KDM4B: variants seen among roughly 807,000 people sequenced by gnomAD.
The protein encoded by KDM4B is lysine-specific demethylase 4B.
In KDM4B, 32 loss-of-function variants were observed where a neutral mutation model predicts 125.2. That is an observed-to-expected ratio of 0.26 (90% CI 0.19 to 0.34). The LOEUF is 0.34. Ranked by LOEUF, KDM4B falls within the 10% of genes least tolerant of loss-of-function variation. The probability of loss-of-function intolerance (pLI) is 1.00; values close to 1 mark genes in which losing one functional copy is unlikely to be tolerated. For missense variants in KDM4B, 1,190 were observed against 1,577.7 expected (o/e 0.75, Z 4.16); for synonymous variants, 721 against 677.9 (o/e 1.06, Z -0.99).
Position 5,114,314 on chromosome 19 carries a change from G to T in KDM4B, c.1115+3496G>T, listed in dbSNP as rs763988502. 3 of 1,065,076 alleles carry T rather than the reference G, an allele frequency of 2.8e-6. No homozygotes were observed. The highest frequency in any genetic ancestry group is 3.8e-6 in the Non-Finnish European group (3 of 783,660). The allele number at this position is 1,065,076 out of a possible 1,614,324, so 66.0% of individuals were successfully genotyped here. On this transcript the variant is annotated intron_variant, in intron 10 of 22. Coordinates refer to ENST00000159111, the MANE Select transcript of KDM4B (RefSeq NM_015015.3). This position sits in a 1 kb window ranked among gnomAD's most constrained non-coding sequence, Gnocchi z 5.8. Reference sequence around the variant, plus strand: ...GTGAGCCCGGCTGGGCCCAGGCCTCGTCTCCCCTACCCCTCCGAGCTCGGT... The same window carrying T: ...GTGAGCCCGGCTGGGCCCAGGCCTCTTCTCCCCTACCCCTCCGAGCTCGGT...
chr19:5,089,182 G>A (rs138556291), intron 9 of KDM4B, among the ~76,000 whole-genome samples: 57 of 152,288 alleles, frequency 3.7e-4, no homozygotes, highest in South Asian at 1.2e-3. Flanking sequence ...TAGGGCACAC[G>A]AATCTCACTG....
intron 9 of KDM4B, among the ~76,000 whole-genome samples, chr19:5,106,792 C>A (rs528009475): frequency 1.3e-5 from 2 of 152,150 alleles, no homozygotes; most frequent in Non-Finnish European, 2.9e-5. Context: ...CCCTGCTCTG[C>A]GGGCCTTAGC....
intron 11 of KDM4B, among the ~76,000 whole-genome samples, chr19:5,124,502 C>G (rs899708790): frequency 2.0e-5 from 3 of 152,190 alleles, no homozygotes; most frequent in African/African-American, 4.8e-5. Context: ...TGAGCAGACT[C>G]TAGGGGCTGG....
chr19:5,121,511 G>A (rs577611312), intron 11 of KDM4B, among the ~76,000 whole-genome samples: 180 of 152,278 alleles, frequency 1.2e-3, no homozygotes, highest in African/African-American at 4.2e-3. Flanking sequence ...AGAGATGAGC[G>A]ACAGGCACAG....
At chr19:5,136,349 G>A (rs963506241) in intron 15 of KDM4B, among the ~76,000 whole-genome samples, 3 of 152,134 alleles carry the variant, frequency 2.0e-5, no homozygotes, top group African/African-American at 4.8e-5. Flanking sequence ...TCCCACGCAC[G>A]GGGGGGCGGT....
intron 15 of KDM4B, among the ~76,000 whole-genome samples, chr19:5,136,851 C>G (rs1195640452): frequency 6.6e-6 from 1 of 152,194 alleles, no homozygotes. Flanking sequence ...ATTTCCAGAC[C>G]CAGGGCCACA....
rs1222148433 is a variant in KDM4B, at chr19:5,039,817, T to C, written c.142-19T>C. 4 of 1,609,214 alleles carry C rather than the reference T, an allele frequency of 2.5e-6. No individual in the cohort carries two copies. In the Admixed American group the frequency reaches 5.0e-5, roughly 20 times the overall value. ...CTGAGGGTCTGAGGGTGCCACTGACTCCCATCTTGGTCTTGCAGATCATCC... is the reference window on the plus strand; with the variant it reads ...CTGAGGGTCTGAGGGTGCCACTGACCCCCATCTTGGTCTTGCAGATCATCC... On this transcript the variant is annotated intron_variant, in intron 3 of 22. Transcript: ENST00000159111.
intron 1 of KDM4B, among the ~76,000 whole-genome samples, chr19:4,978,687 G>A (rs765558918): frequency 5.3e-5 from 8 of 152,252 alleles, no homozygotes; most frequent in East Asian, 1.9e-4. Context: ...GGCAGCTGCC[G>A]TTCATCAAAA....
chr19:5,056,685 C>T (rs529607871), intron 6 of KDM4B, among the ~76,000 whole-genome samples: 1 of 152,198 alleles, frequency 6.6e-6, no homozygotes, highest in African/African-American at 2.4e-5. Context: ...GCGTTACAGA[C>T]GTGTGTCACT....
chr19:4,978,670 C>T (rs1245730125), intron 1 of KDM4B, among the ~76,000 whole-genome samples: 1 of 152,186 alleles, frequency 6.6e-6, no homozygotes, highest in African/African-American at 2.4e-5. Context: ...TCAGCTAGAG[C>T]CTGAAGGGCA....
chr19:4,990,562 A>G (rs1007885562), intron 1 of KDM4B, among the ~76,000 whole-genome samples: 1 of 152,240 alleles, frequency 6.6e-6, no homozygotes, highest in Admixed American at 6.5e-5. Context: ...GGTCATGAGT[A>G]TTGGGCAAAG....
intron 1 of KDM4B, among the ~76,000 whole-genome samples, chr19:5,003,875 A>G (rs2035470534): frequency 6.6e-6 from 1 of 152,076 alleles, no homozygotes; most frequent in Non-Finnish European, 1.5e-5. Flanking sequence ...CAGTCTCCGT[A>G]TATGCCTGAG....
intron 1 of KDM4B, among the ~76,000 whole-genome samples, chr19:4,976,280 T>C (rs569276918): frequency 6.7e-6 from 1 of 149,726 alleles, no homozygotes; most frequent in East Asian, 2.0e-4. Flanking sequence ...TCATGGGTCA[T>C]TTCAAGGATC....
chr19:5,137,464 G>C (rs1037220599), intron 16 of KDM4B, 126 bp downstream of exon 16: 4 of 1,207,466 alleles, frequency 3.3e-6, no homozygotes, highest in Non-Finnish European at 4.7e-6. Context: ...CTGCCCTGAG[G>C]GGGTGGAACC....
rs920952486 is a variant in KDM4B at position 5,119,514 on chromosome 19, C to T, written c.1116-139C>T. On this transcript the variant is annotated intron_variant, in intron 10 of 22. Coordinates refer to ENST00000159111, the MANE Select transcript of KDM4B (RefSeq NM_015015.3). ...CACCCAGGGTTCCCTTTACCCCCGG[C>T]CTCCAGCCAGGAGGCCCCCTGCTCA... is the stretch of plus-strand genomic sequence containing the variant. 4.7e-5 allele frequency: 41 copies of T among 863,710 alleles called. 1 individual carries two copies. The South Asian group carries it at 5.5e-4, about 12-fold the overall frequency. The allele number at this position is 863,710 out of a possible 1,614,324, so 53.5% of individuals were successfully genotyped here.
chr19:5,119,579 C>T, intron 10 of KDM4B, 74 bp from the exon 11 acceptor site: 1 of 1,407,580 alleles, frequency 7.1e-7, no homozygotes. Flanking sequence ...CTGCGTGCTG[C>T]CGGACAGAGT....
chr19:5,093,093 G>T (rs1397139688), intron 9 of KDM4B, among the ~76,000 whole-genome samples: 1 of 152,210 alleles, frequency 6.6e-6, no homozygotes, highest in Admixed American at 6.5e-5. Context: ...ACATGGAACA[G>T]CACTTGGGTG....
intron 2 of KDM4B, among the ~76,000 whole-genome samples, chr19:5,018,989 T>A: frequency 6.6e-6 from 1 of 152,248 alleles, no homozygotes; most frequent in East Asian, 1.9e-4. Context: ...CCTCTCTGGC[T>A]ATTGGGAGTC....
Position 4,969,195 on chromosome 19 carries a change from C to T in KDM4B, c.-144C>T, listed in dbSNP as rs1272588110. The T allele has an allele frequency of 4.7e-5, 7 of 149,652 alleles. No homozygotes were observed. The East Asian group carries it at 1.4e-3, about 29-fold the overall frequency. The allele number at this position is 149,652 out of a possible 1,614,324, so 9.3% of individuals were successfully genotyped here. ...ACGCCGAGGGCGGGGGAGAGCGCGC[C>T]GCTGCTCCCGGACCGGGCCGCGCAC... On this transcript the variant is annotated 5_prime_UTR_variant, in exon 1 of 23. Coordinates refer to ENST00000159111, the MANE Select transcript of KDM4B (RefSeq NM_015015.3).
Sources: gnomAD v4.1 joint callset for allele counts (sites outside exome capture counted in the v4.1 genomes callset) on GRCh38, gnomAD v4.1.1 for gene constraint, Gnocchi (gnomAD v3.1) non-coding constraint, MANE v1.5 for transcripts, NCBI Gene and HGNC (gene_info 2026-07-23, HGNC 2026-07-21) for gene names.